Variants in RSRC1 observed in about 807,000 individuals in gnomAD.
The protein encoded by RSRC1 is serine/Arginine-related protein 53.
In RSRC1, 39 loss-of-function variants were observed where a neutral mutation model predicts 49.1. The ratio of observed to expected loss-of-function variants is 0.79; its 90% CI spans 0.61 to 1.04. The LOEUF (loss-of-function observed/expected upper bound fraction) is 1.04. RSRC1 is among the 50% of genes least tolerant of loss of function. The pLI is 0.00. For synonymous variants in RSRC1, 143 were observed against 130.8 expected (o/e 1.09, Z -0.63); for missense variants, 388 against 402.4 (o/e 0.96, Z 0.31).
intron 6 of RSRC1, among the ~76,000 whole-genome samples, chr3:158,425,242 C>G (rs1208015591): frequency 1.3e-5 from 2 of 152,098 alleles, no homozygotes; most frequent in Non-Finnish European, 2.9e-5. Context: ...CCTCTACACA[C>G]TGCTTTGAAT....
At chr3:158,198,813 C>A (rs547086016) in intron 3 of RSRC1, among the ~76,000 whole-genome samples, 2 of 152,112 alleles carry the variant, frequency 1.3e-5, no homozygotes, top group African/African-American at 4.8e-5. Context: ...CTCCACCCCC[C>A]GCAAGAAATT....
intron 3 of RSRC1, among the ~76,000 whole-genome samples, chr3:158,132,511 C>G (rs1048018674): frequency 1.3e-5 from 2 of 152,102 alleles, no homozygotes; most frequent in African/African-American, 4.8e-5. Context: ...CATTGTAGTA[C>G]TCTTTATGTT....
At chr3:158,128,411 A>G (rs1249750978) in intron 3 of RSRC1, among the ~76,000 whole-genome samples, 3 of 152,002 alleles carry the variant, frequency 2.0e-5, no homozygotes, top group Non-Finnish European at 4.4e-5. Flanking sequence ...TGGTTTGTAT[A>G]TTGTTTTATC....
intron 4 of RSRC1, among the ~76,000 whole-genome samples, chr3:158,254,379 C>T (rs1338594702): frequency 1.3e-5 from 2 of 152,194 alleles, no homozygotes; most frequent in Non-Finnish European, 2.9e-5. Flanking sequence ...TACACTCCTA[C>T]CAACAGTGTA....
intron 5 of RSRC1, among the ~76,000 whole-genome samples, chr3:158,320,340 T>C (rs1332337393): frequency 6.6e-6 from 1 of 152,242 alleles, no homozygotes; most frequent in Non-Finnish European, 1.5e-5. Flanking sequence ...GTAGGCACTT[T>C]CTTATCTGAA....
chr3:158,159,465 G>A (rs1456743807), intron 3 of RSRC1, among the ~76,000 whole-genome samples: 1 of 152,020 alleles, frequency 6.6e-6, no homozygotes, highest in African/African-American at 2.4e-5. Context: ...TTTTTTGTTT[G>A]CTCCTTTGTT....
intron 6 of RSRC1, among the ~76,000 whole-genome samples, chr3:158,393,345 C>T (rs1733425411): frequency 6.6e-6 from 1 of 151,738 alleles, no homozygotes; most frequent in African/African-American, 2.4e-5. Flanking sequence ...AATTGAAACA[C>T]ACACACACAC....
At chr3:158,414,724 A>AG (rs1734651051) in intron 6 of RSRC1, among the ~76,000 whole-genome samples, 1 of 150,794 alleles carries the variant, frequency 6.6e-6, no homozygotes, top group Admixed American at 6.6e-5. Context: ...TCTGTTTCTT[A>AG]GAAAAAAAAA....
chr3:158,443,913 G>T (rs1447979762), intron 6 of RSRC1, among the ~76,000 whole-genome samples: 1 of 152,110 alleles, frequency 6.6e-6, no homozygotes, highest in South Asian at 2.1e-4. Flanking sequence ...GAACAGAGAG[G>T]TACAGGGAGA....
intron 3 of RSRC1, among the ~76,000 whole-genome samples, chr3:158,200,017 T>C (rs1261977171): frequency 6.6e-6 from 1 of 152,118 alleles, no homozygotes; most frequent in Non-Finnish European, 1.5e-5. Flanking sequence ...ACTTGCTGTT[T>C]ATATGATGTA....
At chr3:158,389,308 A>T (rs7426603) in intron 6 of RSRC1, among the ~76,000 whole-genome samples, 79,105 of 152,034 alleles carry the variant, frequency 0.52, 21,023 homozygotes, top group African/African-American at 0.61. Context: ...TTGTAAAATA[A>T]CTTAACTGTT....
intron 7 of RSRC1, among the ~76,000 whole-genome samples, chr3:158,532,291 T>G (rs1171814250): frequency 6.6e-6 from 1 of 151,864 alleles, no homozygotes. Flanking sequence ...TGATCACATC[T>G]GGGGCAATAG....
At chr3:158,199,585 C>G (rs1057387009) in intron 3 of RSRC1, among the ~76,000 whole-genome samples, 1 of 152,072 alleles carries the variant, frequency 6.6e-6, no homozygotes, top group Non-Finnish European at 1.5e-5. Flanking sequence ...TTTGTAGCTT[C>G]TTCAAGTGAA....
At chr3:158,377,060 G>T (rs1732415892) in intron 6 of RSRC1, among the ~76,000 whole-genome samples, 1 of 152,002 alleles carries the variant, frequency 6.6e-6, no homozygotes. Context: ...TCTTTTTTCT[G>T]ATGAAAAGTT....
intron 5 of RSRC1, among the ~76,000 whole-genome samples, chr3:158,337,780 G>A (rs979018676): frequency 5.3e-5 from 8 of 152,102 alleles, no homozygotes; most frequent in African/African-American, 1.9e-4. Context: ...TAGCTAAACA[G>A]GTAGCCTCGA....
intron 7 of RSRC1, among the ~76,000 whole-genome samples, chr3:158,530,470 A>G (rs1712319170): frequency 6.6e-6 from 1 of 151,628 alleles, no homozygotes. Flanking sequence ...ATATTATATT[A>G]TTTACTTGTT....
At chr3:158,431,772 G>A (rs12496934) in intron 6 of RSRC1, among the ~76,000 whole-genome samples, 32,677 of 151,750 alleles carry the variant, frequency 0.22, 4,112 homozygotes, top group Non-Finnish European at 0.29. Flanking sequence ...TACTGAGAAT[G>A]TTGATTTTTA....
chr3:158,227,068 T>C (rs1722568433), intron 4 of RSRC1, among the ~76,000 whole-genome samples: 1 of 151,894 alleles, frequency 6.6e-6, no homozygotes, highest in South Asian at 2.1e-4. Context: ...TAAGATTTTG[T>C]TGGGTTGGTT....
chr3:158,145,479 CCA>C lies in RSRC1; in HGVS notation c.320+21489_320+21490del, dbSNP rs1327948617. 6.6e-5 allele frequency among the ~76,000 whole-genome samples: 10 copies of C among 152,118 alleles called. 1 individual carries two copies. Among genetic ancestry groups the C allele is most frequent in the Non-Finnish European group, 1.5e-4 (10 of 68,024 alleles). On this transcript the variant is annotated intron_variant, in intron 3 of 9. Transcript: ENST00000611884. Reference sequence around the variant, plus strand: ...TTATTTCTGAGGGCTCTGTTCTGTTCCATTGGGCTATATCTCTGTTTTGGTAG... The same window carrying C: ...TTATTTCTGAGGGCTCTGTTCTGTTCTTGGGCTATATCTCTGTTTTGGTAG...
Sources: allele counts gnomAD v4.1 joint callset (sites outside exome capture counted in the v4.1 genomes callset), GRCh38; gene constraint gnomAD v4.1.1; transcripts MANE v1.5; gene names NCBI Gene and HGNC (gene_info 2026-07-23, HGNC 2026-07-21).